SLC6A12: variants seen among roughly 807,000 people sequenced by gnomAD.
SLC6A12 encodes the protein solute carrier family 6 member 12.
SLC6A12 carries 50 observed loss-of-function variants against 73.3 expected under a neutral mutation model. That is an observed-to-expected ratio of 0.68 (90% confidence interval 0.54 to 0.86). The LOEUF is 0.86. SLC6A12 is among the 40% of genes least tolerant of loss of function. The pLI is 0.00. For missense variants in SLC6A12, 648 were observed against 772.8 expected, an observed-to-expected ratio of 0.84 and a Z score of 1.92; for synonymous variants, 304 against 309.2, an observed-to-expected ratio of 0.98 and a Z score of 0.18.
At chr12:204,224 G>T in intron 4 of SLC6A12, 1 of 285,370 alleles carries the variant, frequency 3.5e-6, no homozygotes, top group Non-Finnish European at 6.8e-6. Context: ...GGAGCACCCA[G>T]AGCCTGTGAG....
At chr12:199,109 T>C (rs1465245968) in intron 7 of SLC6A12, 178 bp from the exon 8 acceptor site, 49 of 289,902 alleles carry the variant, frequency 1.7e-4, no homozygotes, top group East Asian at 2.8e-4. Flanking sequence ...GGGTCTGTGC[T>C]CCCCCCAGGG....
chr12:186,338 G>A (rs980738037), downstream of SLC6A12, among the ~76,000 whole-genome samples: 2 of 152,244 alleles, frequency 1.3e-5, no homozygotes, highest in African/African-American at 2.4e-5. Context: ...CACAGCAGCT[G>A]TCAGCCAGGT....
chr12:198,808 T>C lies in SLC6A12; in HGVS notation c.835A>G (p.Lys279Glu). 6.2e-7 allele frequency: 1 copy of C among 1,614,156 alleles called. No homozygotes were observed. Among genetic ancestry groups the C allele is most frequent in the Non-Finnish European group, 8.5e-7 (1 of 1,180,026 alleles). ...YYLKPDLFRL[K>E]DPQVWMDAGT... ...AGCACGGTACATACCTGAGGGTCCT[T>C]GAGGCGGAACAAATCTGGCTTCAAG... The change falls in exon 8 of 16, where the codon AAG (lysine) becomes GAG (glutamate). Residue 279 changes from lysine (K) to glutamate (E), a missense_variant. Transcript: ENST00000684302. The surrounding 1 kb of genome is among the most constrained non-coding windows in gnomAD (Gnocchi z 4.0).
chr12:209,694 G>T, intron 3 of SLC6A12, 79 bp downstream of exon 3: 1 of 1,498,504 alleles, frequency 6.7e-7, no homozygotes. Context: ...ACACTGCCCA[G>T]GAAGGAGGGC....
downstream of SLC6A12, among the ~76,000 whole-genome samples, chr12:185,785 C>T (rs758433241): frequency 9.8e-5 from 15 of 152,318 alleles, no homozygotes; most frequent in African/African-American, 3.1e-4. Context: ...CGCTGGAGTG[C>T]GGGTCGCCAG....
chr12:199,980 C>A (rs1464623400), intron 7 of SLC6A12, among the ~76,000 whole-genome samples: 2 of 152,080 alleles, frequency 1.3e-5, no homozygotes, highest in African/African-American at 4.8e-5. Context: ...CAGACACACA[C>A]ACATACGTAT....
rs116206644 is a variant in SLC6A12, at chr12:190,667, G to A, written c.*401C>T. The A allele has an allele frequency of 1.3e-5, 2 of 155,922 alleles. No homozygotes were observed. The highest frequency in any genetic ancestry group is 6.5e-5 in the Admixed American group (1 of 15,368). The allele number at this position is 155,922 out of a possible 1,614,324, so 9.7% of individuals were successfully genotyped here. On this transcript the variant is annotated 3_prime_UTR_variant, in exon 16 of 16. Transcript: ENST00000684302. ...ATTGTCCCATCAGGCTCTCCACATT[G>A]GACGGCAGTGTGCGTTCCAATTATA...
At position 198,801 on chromosome 12, in the gene SLC6A12, G is replaced by A; in HGVS notation, c.842C>T (p.Pro281Leu). ...LKPDLFRLKD[P>L]QVWMDAGTQI... ...TGGTCCCAGCACGGTACATACCTGAGGGTCCTTGAGGCGGAACAAATCTGG... is the reference window on the plus strand; with the variant it reads ...TGGTCCCAGCACGGTACATACCTGAAGGTCCTTGAGGCGGAACAAATCTGG... The change falls in exon 8 of 16, where the codon CCT becomes CTT. Residue 281 changes from proline to leucine, a missense_variant. Transcript: ENST00000684302. This position sits in a 1 kb window ranked among gnomAD's most constrained non-coding sequence, Gnocchi z 4.0. The A allele has an allele frequency of 6.2e-7, 1 of 1,614,214 alleles. No homozygotes were observed. The highest frequency in any genetic ancestry group is 8.5e-7 in the Non-Finnish European group (1 of 1,180,034).
chr12:199,032 A>G, intron 7 of SLC6A12, 101 bp from the exon 8 acceptor site: 1 of 1,165,494 alleles, frequency 8.6e-7, no homozygotes, highest in African/African-American at 1.5e-5. Flanking sequence ...CTCAGTCCCA[A>G]CCTCAGAGAC....
At chr12:201,269 G>A (rs1035619834) in intron 6 of SLC6A12, 2 of 193,126 alleles carry the variant, frequency 1.0e-5, no homozygotes, top group South Asian at 1.1e-4. Flanking sequence ...GCAGTCTTGC[G>A]TGGGAATGCA....
At chr12:195,937 C>G (rs1784921851) in intron 12 of SLC6A12, among the ~76,000 whole-genome samples, 187 bp downstream of exon 12, 1 of 152,212 alleles carries the variant, frequency 6.6e-6, no homozygotes, top group Admixed American at 6.5e-5. Flanking sequence ...TATTGGTCAC[C>G]TGCAACCAAA....
At position 192,552 on chromosome 12, in the gene SLC6A12, C is replaced by T. The variant is rs1189374520; in HGVS notation, c.1627G>A (p.Ala543Thr). ...PWGYSIGWFL[A>T]LSSMVCVPLF... ...GGGACACAGACCATGGAGGACAGAG[C>T]CAGGAACCAGCCAATGGAGTATCCC... The change falls in exon 15 of 16, where the codon GCT becomes ACT. Residue 543 changes from alanine (A) to threonine (T), a missense_variant. By Grantham distance (58) the Ala-to-Thr change is moderately conservative. Coordinates refer to ENST00000684302, the MANE Select transcript of SLC6A12 (RefSeq NM_001122848.3). The T allele has an allele frequency of 6.2e-7, 1 of 1,614,060 alleles. No individual in the cohort carries two copies. Among genetic ancestry groups the T allele is most frequent in the East Asian group, 2.2e-5 (1 of 44,882 alleles).
At chr12:197,612 AGAAGGG>A (rs1939988281) in intron 9 of SLC6A12, 111 bp from the exon 10 acceptor site, 2 of 1,164,446 alleles carry the variant, frequency 1.7e-6, no homozygotes, top group South Asian at 3.3e-5. Context: ...CCAAGGAGAG[AGAAGGG>A]GGAGGCAAGG....
chr12:199,797 T>C (rs186702321), intron 7 of SLC6A12: 8 of 152,270 alleles, frequency 5.3e-5, no homozygotes, highest in Non-Finnish European at 1.2e-4. Context: ...GACAAGCCCA[T>C]TGTTGCCCAT....
chr12:207,953 C>T (rs1000415090), intron 3 of SLC6A12, among the ~76,000 whole-genome samples: 7 of 152,196 alleles, frequency 4.6e-5, no homozygotes, highest in East Asian at 1.9e-4. Context: ...CCCCACCCCA[C>T]GGCCAGGACA....
intron 7 of SLC6A12, among the ~76,000 whole-genome samples, chr12:200,387 C>T (rs930644103): frequency 3.3e-5 from 5 of 152,286 alleles, no homozygotes; most frequent in African/African-American, 1.2e-4. Flanking sequence ...GGATTACAGG[C>T]GTGAGCCACT....
chr12:210,427 A>C, intron 2 of SLC6A12: 1 of 1,064,040 alleles, frequency 9.4e-7, no homozygotes. Context: ...CCTCCAGGTC[A>C]GAAGGGATCA....
At position 204,766 on chromosome 12, in the gene SLC6A12, C is replaced by A. The variant is rs112688140; in HGVS notation, c.215-68G>T. The A allele has an allele frequency of 1.1e-3, 1,796 of 1,569,658 alleles. 22 individuals are homozygous for A. The African/African-American group carries it at 0.021, about 18-fold the overall frequency. On this transcript the variant is annotated intron_variant, in intron 3 of 15. Transcript: ENST00000684302. ...TTCCTCAGCCTCCATCCTTTCAGAC[C>A]CTCCTCCCCCAACAAACCCGCCCTC...
At position 198,050 on chromosome 12, in the gene SLC6A12, G is replaced by C. The variant is rs753576091; in HGVS notation, c.847-47C>G. On this transcript the variant is annotated intron_variant, in intron 8 of 15. Coordinates refer to ENST00000684302, the MANE Select transcript of SLC6A12 (RefSeq NM_001122848.3). This position sits in a 1 kb window ranked among gnomAD's most constrained non-coding sequence, Gnocchi z 4.0. ...AGGTAGAGGCAGCCCCCAGGGCCCAGAGCCAGGGTGACCCGAGATCCAGAC... is the reference window on the plus strand; with the variant it reads ...AGGTAGAGGCAGCCCCCAGGGCCCACAGCCAGGGTGACCCGAGATCCAGAC... The C allele has an allele frequency of 2.0e-6, 3 of 1,520,356 alleles. No homozygotes were observed. The highest frequency in any genetic ancestry group is 2.3e-5 in the South Asian group (2 of 88,858). The allele number at this position is 1,520,356 out of a possible 1,614,324, so 94.2% of individuals were successfully genotyped here. A position where few individuals can be genotyped will look rare whatever the true frequency, so the allele number is the denominator to read the frequency against.
Sources: allele counts gnomAD v4.1 joint callset (sites outside exome capture counted in the v4.1 genomes callset), GRCh38; gene constraint gnomAD v4.1.1; non-coding constraint Gnocchi (gnomAD v3.1); transcripts MANE v1.5; gene names NCBI Gene and HGNC (gene_info 2026-07-23, HGNC 2026-07-21).